The following DYRK1A variants were observed in gnomAD, a reference collection of about 807,000 sequenced individuals.
The protein encoded by DYRK1A is dual specificity tyrosine-phosphorylation-regulated kinase 1A.
DYRK1A carries 9 observed loss-of-function variants against 79.7 expected under a neutral mutation model. The ratio of observed to expected loss-of-function variants is 0.11; its 90% CI spans 0.07 to 0.20. The LOEUF is 0.20. Ranked by LOEUF, DYRK1A falls within the 10% of genes least tolerant of loss-of-function variation. The probability of loss-of-function intolerance (pLI) is 1.00; values close to 1 mark genes in which losing one functional copy is unlikely to be tolerated. For missense variants in DYRK1A, 622 were observed against 956.0 expected (o/e 0.65, Z 4.61); for synonymous variants, 349 against 329.7 (o/e 1.06, Z -0.63).
At position 37,485,299 on chromosome 21, in the gene DYRK1A, C is replaced by G. The variant is rs16995199; in HGVS notation, c.490-1168C>G. On this transcript the variant is annotated intron_variant, in intron 5 of 11. Transcript: ENST00000647188. The stretch of plus-strand genomic sequence containing the variant: ...GCAACTCTTAGTGCAGTCAGTACAT[C>G]CAGTGAAGCAGAAGCATATCAGAAC... Among the ~76,000 whole-genome samples, 1,384 of 152,236 alleles carry G rather than the reference C, an allele frequency of 9.1e-3. 19 individuals are homozygous for G. Among genetic ancestry groups the G allele is most frequent in the African/African-American group, 0.032 (1,328 of 41,516 alleles).
chr21:37,411,222 G>A (rs997530806), intron 1 of DYRK1A, among the ~76,000 whole-genome samples: 7 of 151,914 alleles, frequency 4.6e-5, no homozygotes, highest in African/African-American at 1.7e-4. Flanking sequence ...CAGGCGTGAT[G>A]GTGTGTGCAT....
At chr21:37,450,695 T>C (rs888445900) in intron 2 of DYRK1A, among the ~76,000 whole-genome samples, 3 of 151,862 alleles carry the variant, frequency 2.0e-5, no homozygotes, top group African/African-American at 7.3e-5. Flanking sequence ...GGGCAGAGAG[T>C]GTTGGAGTAG....
At chr21:37,452,009 C>T (rs563795968) in intron 2 of DYRK1A, among the ~76,000 whole-genome samples, 3 of 151,834 alleles carry the variant, frequency 2.0e-5, no homozygotes, top group East Asian at 3.9e-4. Context: ...GTGAGAAGGT[C>T]GGTGCAGTTA....
At position 37,506,388 on chromosome 21, in the gene DYRK1A, A is replaced by G. The variant is rs374830756; in HGVS notation, c.1644+165A>G. ...TTATCATAGAGAAGCACATTCTTGC[A>G]GTTTTCCTCCTCCTTGTCTAGAAGT... On this transcript the variant is annotated intron_variant, in intron 11 of 11. Transcript: ENST00000647188. The G allele has an allele frequency of 3.9e-6, 6 of 1,528,292 alleles. 1 individual carries two copies. The East Asian group carries it at 7.3e-5, about 19-fold the overall frequency. The allele number at this position is 1,528,292 out of a possible 1,614,324, so 94.7% of individuals were successfully genotyped here.
At chr21:37,393,932 C>CT (rs2049914584) in intron 1 of DYRK1A, among the ~76,000 whole-genome samples, 1 of 152,164 alleles carries the variant, frequency 6.6e-6, no homozygotes, top group Non-Finnish European at 1.5e-5. Context: ...GCCAGGCCTT[C>CT]TTAAGACTTA....
At chr21:37,463,328 A>G (rs2051914685) in intron 2 of DYRK1A, among the ~76,000 whole-genome samples, 1 of 152,134 alleles carries the variant, frequency 6.6e-6, no homozygotes, top group Non-Finnish European at 1.5e-5. Context: ...CCTTATCATT[A>G]GACTTTTTGC....
At chr21:37,415,644 T>G (rs1028902820) in intron 1 of DYRK1A, 27 of 152,142 alleles carry the variant, frequency 1.8e-4, no homozygotes, top group African/African-American at 5.8e-4. Context: ...TTTTATTTTT[T>G]GGGGTAGAGA....
At chr21:37,366,568 C>T (rs1183508964), upstream of DYRK1A, among the ~76,000 whole-genome samples, 1 of 151,304 alleles carries the variant, frequency 6.6e-6, no homozygotes, top group Non-Finnish European at 1.5e-5. Flanking sequence ...ACACTCGTAG[C>T]GGACCCGAGC....
intron 2 of DYRK1A, among the ~76,000 whole-genome samples, chr21:37,465,518 G>A (rs953628291): frequency 2.0e-5 from 3 of 152,052 alleles, no homozygotes; most frequent in Admixed American, 1.3e-4. Context: ...AAATAGTATT[G>A]GCATCATCTG....
intron 4 of DYRK1A, among the ~76,000 whole-genome samples, chr21:37,479,091 C>A (rs771997130): frequency 1.4e-4 from 21 of 152,166 alleles, no homozygotes; most frequent in Non-Finnish European, 2.5e-4. Context: ...GAAGGCTTGT[C>A]CTTTGCCAGC....
chr21:37,425,631 C>G (rs2050597421), intron 2 of DYRK1A: 1 of 152,262 alleles, frequency 6.6e-6, no homozygotes, highest in East Asian at 1.9e-4. Context: ...GAAAGAATGT[C>G]TAAGTTCTAG....
At chr21:37,406,458 G>A (rs2050147538) in intron 1 of DYRK1A, among the ~76,000 whole-genome samples, 1 of 152,132 alleles carries the variant, frequency 6.6e-6, no homozygotes, top group Non-Finnish European at 1.5e-5. Context: ...TGCTTTGGGA[G>A]GCTGAGGCAG....
In DYRK1A at chr21:37,519,427, A is replaced by G. The variant is rs1312501481; in HGVS notation, c.*6896A>G. The G allele has an allele frequency of 1.3e-5, 2 of 152,274 alleles. No individual in the cohort carries two copies. The highest frequency in any genetic ancestry group is 2.1e-4 in the South Asian group (1 of 4,836). The allele number at this position is 152,274 out of a possible 1,614,324, so 9.4% of individuals were successfully genotyped here. A position where few individuals can be genotyped will look rare whatever the true frequency, so the allele number is the denominator to read the frequency against. The stretch of plus-strand genomic sequence containing the variant: ...AGTGTCCACTTAGGAGATGCTGTGC[A>G]TGCCTCAGTGAGGTAATGTCCGCAG... On this transcript the variant is annotated 3_prime_UTR_variant, in exon 12 of 12. Transcript: ENST00000647188.
In DYRK1A at chr21:37,514,652, AT is replaced by A. The variant is rs1279201782; in HGVS notation, c.*2122del. On this transcript the variant is annotated 3_prime_UTR_variant, in exon 12 of 12. Transcript: ENST00000647188. ...AAACTACAAAAACTTTTTGTTGTTTATCAGGAAATCCATATTTATTTTGTAA... is the reference window on the plus strand; with the variant it reads ...AAACTACAAAAACTTTTTGTTGTTTACAGGAAATCCATATTTATTTTGTAA... 6.6e-6 allele frequency: 1 copy of A among 152,666 alleles called. No individual in the cohort carries two copies. Among genetic ancestry groups the A allele is most frequent in the African/African-American group, 2.4e-5 (1 of 41,464 alleles). The allele number at this position is 152,666 out of a possible 1,614,324, so 9.5% of individuals were successfully genotyped here. A position where few individuals can be genotyped will look rare whatever the true frequency, so the allele number is the denominator to read the frequency against.
chr21:37,454,085 C>CTTTTTTTTTTTTTTTTTTTTT lies in DYRK1A; in HGVS notation c.11-18594_11-18574dup, dbSNP rs571859735. Among the ~76,000 whole-genome samples, 7 of 59,614 alleles carry CTTTTTTTTTTTTTTTTTTTTT rather than the reference C, an allele frequency of 1.2e-4. 1 individual carries two copies. The highest frequency in any genetic ancestry group is 1.5e-4 in the Non-Finnish European group (5 of 34,258). The allele number at this position is 59,614 out of a possible 152,430, so 39.1% of individuals were successfully genotyped here. A position where few individuals can be genotyped will look rare whatever the true frequency, so the allele number is the denominator to read the frequency against. ...CTTTCATATTATGAGATGTAGTCTC[C>CTTTTTTTTTTTTTTTTTTTTT]TTTTTTTTTTTTTTTTTTTTTTTTT... On this transcript the variant is annotated intron_variant, in intron 2 of 11. Transcript: ENST00000647188.
chr21:37,410,563 C>G (rs1423354502), intron 1 of DYRK1A: 1 of 152,242 alleles, frequency 6.6e-6, no homozygotes, highest in Non-Finnish European at 1.5e-5. Context: ...TTCACTTTGT[C>G]ACCCAGGCTG....
intron 2 of DYRK1A, among the ~76,000 whole-genome samples, chr21:37,462,770 C>G (rs1048427499): frequency 6.6e-6 from 1 of 152,012 alleles, no homozygotes; most frequent in Non-Finnish European, 1.5e-5. Context: ...TATATTGTAC[C>G]CTGGAAAGTG....
At position 37,472,722 on chromosome 21, in the gene DYRK1A, C is replaced by A; in HGVS notation, c.49C>A (p.Leu17Ile). Residue 17 changes from leucine to isoleucine, a missense_variant, in exon 3 of 12, where the codon CTT becomes ATT. Physicochemically the swap from Leu to Ile is conservative, Grantham distance 5. Transcript: ENST00000647188. ...TSACKPSSVRLAPSFSFHAAG... is the reference protein window; with the variant it reads ...TSACKPSSVRIAPSFSFHAAG... ...AGCATGCAAACCTTCATCTGTTCGG[C>A]TTGCACCGTCATTTTCATTCCATGC... is the stretch of plus-strand genomic sequence containing the variant. 6.2e-7 allele frequency: 1 copy of A among 1,609,578 alleles called. No homozygotes were observed. The highest frequency in any genetic ancestry group is 1.3e-5 in the African/African-American group (1 of 74,944).
intron 1 of DYRK1A, among the ~76,000 whole-genome samples, chr21:37,403,661 A>ATG (rs1385707900): frequency 3.9e-3 from 437 of 113,332 alleles, no homozygotes; most frequent in African/African-American, 4.9e-3. Context: ...ATATATATAT[A>ATG]TATGTGTGTG....
Sources: gnomAD v4.1 joint callset for allele counts (sites outside exome capture counted in the v4.1 genomes callset) on GRCh38, gnomAD v4.1.1 for gene constraint, MANE v1.5 for transcripts, NCBI Gene and HGNC (gene_info 2026-07-23, HGNC 2026-07-21) for gene names.